MARCHF1: variants seen among roughly 807,000 people sequenced by gnomAD.
MARCHF1 encodes the protein membrane associated ring-CH-type finger 1, also known as E3 ubiquitin-protein ligase MARCHF1.
A neutral mutation model predicts 54.2 loss-of-function variants in MARCHF1; 40 were observed. That is an observed-to-expected ratio of 0.74 (90% CI 0.57 to 0.96). The LOEUF (loss-of-function observed/expected upper bound fraction) is 0.96, where lower values mean the gene tolerates loss of function less well. MARCHF1 is among the 40% of genes least tolerant of loss of function. The probability of loss-of-function intolerance (pLI) is 0.00; values close to 1 mark genes in which losing one functional copy is unlikely to be tolerated. For missense variants in MARCHF1, 586 were observed against 656.5 expected (o/e 0.89, Z 1.17); for synonymous variants, 236 against 236.3 (o/e 1.00, Z 0.01).
intron 4 of MARCHF1, among the ~76,000 whole-genome samples, chr4:163,703,624 A>G (rs1415757990): frequency 6.6e-6 from 1 of 152,172 alleles, no homozygotes; most frequent in East Asian, 1.9e-4. Context: ...TAGGTCAATA[A>G]AAGTTGGAAG....
intron 7 of MARCHF1, among the ~76,000 whole-genome samples, chr4:163,608,513 C>A (rs535555378): frequency 4.6e-5 from 7 of 152,072 alleles, no homozygotes; most frequent in Non-Finnish European, 8.8e-5. Context: ...AAGTTTCAAT[C>A]ATGGGCTAAC....
At chr4:163,719,687 C>G (rs1745381533) in intron 4 of MARCHF1, among the ~76,000 whole-genome samples, 1 of 151,670 alleles carries the variant, frequency 6.6e-6, no homozygotes, top group African/African-American at 2.4e-5. Flanking sequence ...TCCTCTCCAG[C>G]ACCTGTTGTT....
chr4:163,527,903 CAAA>C lies in MARCHF1; in HGVS notation c.*842_*844del, dbSNP rs1025384551. 1.3e-5 allele frequency: 2 copies of C among 152,098 alleles called. No homozygotes were observed. The highest frequency in any genetic ancestry group is 4.8e-5 in the African/African-American group (2 of 41,402). The allele number at this position is 152,098 out of a possible 1,614,324, so 9.4% of individuals were successfully genotyped here. A position where few individuals can be genotyped will look rare whatever the true frequency, so the allele number is the denominator to read the frequency against. ...AAAAATCAAAATTCATTTTAACAAA[CAAA>C]CATTTATTTTTACTTTTTAAAATAG... On this transcript the variant is annotated 3_prime_UTR_variant, in exon 10 of 10. Coordinates refer to ENST00000514618, the MANE Select transcript of MARCHF1 (RefSeq NM_001394959.1).
At chr4:163,855,265 C>T (rs1221432226) in intron 3 of MARCHF1, among the ~76,000 whole-genome samples, 1 of 152,094 alleles carries the variant, frequency 6.6e-6, no homozygotes, top group Non-Finnish European at 1.5e-5. Context: ...GAATGGATTT[C>T]TTAATAAAAC....
In MARCHF1 at chr4:163,788,592, G is replaced by C. The variant is rs113698113; in HGVS notation, c.111+65429C>G. Among the ~76,000 whole-genome samples the C allele has an allele frequency of 5.0e-3, 756 of 151,946 alleles. 8 individuals are homozygous for C. Among genetic ancestry groups the C allele is most frequent in the African/African-American group, 0.017 (709 of 41,508 alleles). On this transcript the variant is annotated intron_variant, in intron 4 of 9. Coordinates refer to ENST00000514618, the MANE Select transcript of MARCHF1 (RefSeq NM_001394959.1). Reference sequence around the variant, plus strand: ...ATAGACTGTCTATCAATTTGAGTTTGTCTTATTTTTTTCCCATTATTAGAT... The same window carrying C: ...ATAGACTGTCTATCAATTTGAGTTTCTCTTATTTTTTTCCCATTATTAGAT...
At chr4:163,850,793 T>G (rs954017597) in intron 4 of MARCHF1, among the ~76,000 whole-genome samples, 2 of 152,204 alleles carry the variant, frequency 1.3e-5, no homozygotes, top group African/African-American at 4.8e-5. Context: ...AACAAAACTT[T>G]AATAGTGTGT....
intron 1 of MARCHF1, among the ~76,000 whole-genome samples, chr4:164,362,571 T>C (rs1730753573): frequency 6.6e-6 from 1 of 152,042 alleles, no homozygotes; most frequent in Non-Finnish European, 1.5e-5. Flanking sequence ...TACCAAGAAG[T>C]GGTCAGAAAT....
intron 1 of MARCHF1, among the ~76,000 whole-genome samples, chr4:164,217,386 G>T (rs1731963747): frequency 6.6e-6 from 1 of 152,090 alleles, no homozygotes; most frequent in South Asian, 2.1e-4. Flanking sequence ...GTTAAACAAA[G>T]AAAACAAAAT....
chr4:163,791,906 T>TA (rs1450653500), intron 4 of MARCHF1, among the ~76,000 whole-genome samples: 1 of 152,114 alleles, frequency 6.6e-6, no homozygotes, highest in Non-Finnish European at 1.5e-5. Flanking sequence ...TTGCCCCTAT[T>TA]ACATCCATAG....
At chr4:163,572,020 G>A (rs1055330942) in intron 8 of MARCHF1, among the ~76,000 whole-genome samples, 3 of 151,902 alleles carry the variant, frequency 2.0e-5, no homozygotes, top group Non-Finnish European at 1.5e-5. Context: ...AAACATTTTC[G>A]TTTTCTCTCT....
chr4:163,884,305 T>A (rs1010879088), intron 3 of MARCHF1, among the ~76,000 whole-genome samples: 12 of 152,168 alleles, frequency 7.9e-5, no homozygotes, highest in Non-Finnish European at 1.5e-4. Context: ...TAAGCAAATA[T>A]AATAATTATA....
intron 3 of MARCHF1, among the ~76,000 whole-genome samples, chr4:163,912,995 T>C (rs754740989): frequency 6.6e-6 from 1 of 152,212 alleles, no homozygotes; most frequent in African/African-American, 2.4e-5. Flanking sequence ...CATTATAAAA[T>C]TTAAAATGTT....
intron 1 of MARCHF1, chr4:164,197,118 G>T (rs142094948): frequency 1.2e-6 from 2 of 1,604,318 alleles, no homozygotes; most frequent in Non-Finnish European, 1.7e-6. Flanking sequence ...CTCCACTCAC[G>T]TCCTCCTCTT....
chr4:163,902,562 A>G (rs1377221001), intron 3 of MARCHF1, among the ~76,000 whole-genome samples: 2 of 152,126 alleles, frequency 1.3e-5, no homozygotes, highest in Non-Finnish European at 2.9e-5. Flanking sequence ...TGCATCTTTA[A>G]TGGCTTTTTC....
At chr4:164,056,000 GT>G (rs1353347034) in intron 2 of MARCHF1, among the ~76,000 whole-genome samples, 1 of 152,138 alleles carries the variant, frequency 6.6e-6, no homozygotes, top group African/African-American at 2.4e-5. Flanking sequence ...GCTTTGCGAT[GT>G]TTCTAAGTGT....
chr4:163,858,163 G>A (rs1215922584), intron 3 of MARCHF1, among the ~76,000 whole-genome samples: 1 of 151,904 alleles, frequency 6.6e-6, no homozygotes, highest in Non-Finnish European at 1.5e-5. Flanking sequence ...TCTAAGGAAT[G>A]CTTTTCATAT....
chr4:164,173,199 G>A (rs944558171), intron 1 of MARCHF1, among the ~76,000 whole-genome samples: 3 of 152,100 alleles, frequency 2.0e-5, no homozygotes, highest in African/African-American at 7.2e-5. Flanking sequence ...TTTTGTCCCG[G>A]AAAATAATTT....
chr4:163,645,684 A>G (rs909447988), intron 5 of MARCHF1, among the ~76,000 whole-genome samples: 15 of 152,236 alleles, frequency 9.9e-5, no homozygotes, highest in African/African-American at 3.6e-4. Flanking sequence ...AAGAATACAA[A>G]GACAGAAGTA....
At chr4:164,282,161 G>A (rs1041359632) in intron 1 of MARCHF1, among the ~76,000 whole-genome samples, 4 of 150,274 alleles carry the variant, frequency 2.7e-5, no homozygotes, top group East Asian at 2.1e-4. Flanking sequence ...CACATCTCAT[G>A]GCAGGATATT....
Sources: gnomAD v4.1 joint callset for allele counts (sites outside exome capture counted in the v4.1 genomes callset) on GRCh38, gnomAD v4.1.1 for gene constraint, MANE v1.5 for transcripts, NCBI Gene and HGNC (gene_info 2026-07-23, HGNC 2026-07-21) for gene names.